Variants in CDH12 observed in about 807,000 individuals in gnomAD.
The protein encoded by CDH12 is cadherin 12.
Under a neutral mutation model 74.1 loss-of-function variants are expected in CDH12, and 41 were observed. That is an observed-to-expected ratio of 0.55 (90% CI 0.43 to 0.72). The LOEUF is 0.72. Ranked by LOEUF, CDH12 falls within the 30% of genes least tolerant of loss-of-function variation. The pLI is 0.00. For synonymous variants in CDH12, 399 were observed against 355.0 expected (o/e 1.12, Z -1.39); for missense variants, 945 against 977.2 (o/e 0.97, Z 0.44).
At chr5:22,850,094 A>C (rs1431387078) in intron 1 of CDH12, among the ~76,000 whole-genome samples, 3 of 152,096 alleles carry the variant, frequency 2.0e-5, no homozygotes, top group East Asian at 3.9e-4. Context: ...ACGTAGAATA[A>C]CATTATGTAG....
intron 5 of CDH12, among the ~76,000 whole-genome samples, chr5:22,030,165 A>T (rs893916777): frequency 6.6e-6 from 1 of 151,916 alleles, no homozygotes; most frequent in African/African-American, 2.4e-5. Context: ...CCTAATGCTA[A>T]ATGATGAGTT....
At chr5:22,757,826 C>T (rs1261699490) in intron 1 of CDH12, among the ~76,000 whole-genome samples, 2 of 152,082 alleles carry the variant, frequency 1.3e-5, no homozygotes, top group African/African-American at 4.8e-5. Flanking sequence ...ATTTTAAAAT[C>T]CTTTCATGCA....
chr5:21,819,038 T>A (rs181883024), intron 8 of CDH12, among the ~76,000 whole-genome samples: 2 of 152,136 alleles, frequency 1.3e-5, no homozygotes, highest in East Asian at 1.9e-4. Context: ...AAGCAGTGAT[T>A]GAATTTGAGG....
intron 3 of CDH12, among the ~76,000 whole-genome samples, chr5:22,262,874 A>G (rs1344954730): frequency 6.6e-6 from 1 of 152,082 alleles, no homozygotes; most frequent in Non-Finnish European, 1.5e-5. Flanking sequence ...GCACAGCAAA[A>G]GAAACTACCA....
intron 5 of CDH12, among the ~76,000 whole-genome samples, chr5:22,000,809 G>A (rs188195860): frequency 2.0e-5 from 3 of 152,044 alleles, no homozygotes; most frequent in African/African-American, 7.2e-5. Flanking sequence ...TTCTTCAGCT[G>A]CAAAAGGGTA....
At chr5:22,633,181 C>G (rs971972673) in intron 1 of CDH12, among the ~76,000 whole-genome samples, 3 of 152,044 alleles carry the variant, frequency 2.0e-5, no homozygotes, top group Non-Finnish European at 4.4e-5. Flanking sequence ...AGAATACCCA[C>G]AAAAACCATC....
At chr5:22,521,364 A>G (rs1305136193) in intron 1 of CDH12, among the ~76,000 whole-genome samples, 2 of 152,080 alleles carry the variant, frequency 1.3e-5, no homozygotes, top group Non-Finnish European at 2.9e-5. Flanking sequence ...TTAACAGTTT[A>G]TTCTTTGAAT....
At chr5:21,940,366 C>A (rs376965541) in intron 6 of CDH12, among the ~76,000 whole-genome samples, 1 of 152,232 alleles carries the variant, frequency 6.6e-6, no homozygotes, top group East Asian at 1.9e-4. Context: ...TTGTTTAAAA[C>A]GTGTTATTTT....
At chr5:22,666,456 A>AT (rs1398399061) in intron 1 of CDH12, among the ~76,000 whole-genome samples, 2 of 151,510 alleles carry the variant, frequency 1.3e-5, no homozygotes, top group Admixed American at 1.3e-4. Context: ...CGCCCGGCTA[A>AT]TTTTTGTATT....
chr5:21,846,676 T>G (rs147771096), intron 7 of CDH12, among the ~76,000 whole-genome samples: 64 of 152,244 alleles, frequency 4.2e-4, no homozygotes, highest in Middle Eastern at 6.8e-3. Context: ...AAGAATCTAT[T>G]TCATTGATTT....
At chr5:22,234,095 C>T (rs1044260543) in intron 3 of CDH12, among the ~76,000 whole-genome samples, 1 of 152,128 alleles carries the variant, frequency 6.6e-6, no homozygotes, top group Non-Finnish European at 1.5e-5. Context: ...AAAAATAAAT[C>T]TATAGGCTTT....
chr5:22,501,111 A>G (rs1747314863), intron 2 of CDH12, among the ~76,000 whole-genome samples: 1 of 152,124 alleles, frequency 6.6e-6, no homozygotes, highest in Admixed American at 6.6e-5. Context: ...CTATTTATTT[A>G]TATCTTTCAT....
intron 5 of CDH12, among the ~76,000 whole-genome samples, chr5:22,015,369 C>G (rs1295304885): frequency 6.6e-6 from 1 of 152,022 alleles, no homozygotes; most frequent in Non-Finnish European, 1.5e-5. Flanking sequence ...TAGAGATATA[C>G]ATATTGTACC....
chr5:22,775,659 C>T (rs1393600187), intron 1 of CDH12, among the ~76,000 whole-genome samples: 1 of 151,782 alleles, frequency 6.6e-6, no homozygotes, highest in African/African-American at 2.4e-5. Context: ...ATGAGAAGCT[C>T]TGTAGAAAGT....
chr5:22,499,494 G>A (rs1747246780), intron 2 of CDH12, among the ~76,000 whole-genome samples: 1 of 152,014 alleles, frequency 6.6e-6, no homozygotes, highest in South Asian at 2.1e-4. Context: ...AACAGGTCAA[G>A]AAAAACGAAG....
intron 3 of CDH12, among the ~76,000 whole-genome samples, chr5:22,223,858 A>G (rs1332489673): frequency 6.6e-6 from 1 of 152,024 alleles, no homozygotes; most frequent in Non-Finnish European, 1.5e-5. Context: ...GTTGAGTATT[A>G]TCAGGGCAAT....
chr5:22,010,147 C>A (rs766239758), intron 5 of CDH12, among the ~76,000 whole-genome samples: 4 of 152,080 alleles, frequency 2.6e-5, no homozygotes, highest in African/African-American at 9.7e-5. Flanking sequence ...TCTTGATGAA[C>A]TATTGCTTTA....
chr5:22,131,596 A>C (rs932108694), intron 4 of CDH12, among the ~76,000 whole-genome samples: 7 of 152,140 alleles, frequency 4.6e-5, no homozygotes, highest in Non-Finnish European at 8.8e-5. Context: ...AGAGATAGCC[A>C]CATCCTGAAT....
intron 6 of CDH12, among the ~76,000 whole-genome samples, chr5:21,944,432 G>A (rs560271990): frequency 2.0e-5 from 3 of 152,238 alleles, no homozygotes; most frequent in Non-Finnish European, 4.4e-5. Context: ...TCACTCAGTC[G>A]TGTAGGACAG....
Sources: gnomAD v4.1 joint callset for allele counts (sites outside exome capture counted in the v4.1 genomes callset) on GRCh38, gnomAD v4.1.1 for gene constraint, MANE v1.5 for transcripts, NCBI Gene and HGNC (gene_info 2026-07-23, HGNC 2026-07-21) for gene names.